Variants in BZW2 observed in about 807,000 individuals in gnomAD.
BZW2 encodes the protein basic leucine zipper and W2 domains 2.
A neutral mutation model predicts 53.2 loss-of-function variants in BZW2; 23 were observed. The observed-to-expected ratio is 0.43, with a 90% CI of 0.31 to 0.61. The LOEUF is 0.61. Ranked by LOEUF, BZW2 falls within the 20% of genes least tolerant of loss-of-function variation. The probability of loss-of-function intolerance (pLI) is 0.09; values close to 1 mark genes in which losing one functional copy is unlikely to be tolerated. For missense variants in BZW2, 409 were observed against 503.1 expected, an observed-to-expected ratio of 0.81 and a Z score of 1.79; for synonymous variants, 227 against 186.4, an observed-to-expected ratio of 1.22 and a Z score of -1.77.
At chr7:16,687,294 T>C (rs1783156334) in intron 6 of BZW2, 2 of 152,132 alleles carry the variant, frequency 1.3e-5, no homozygotes, top group South Asian at 4.1e-4. Context: ...GTAAAATGTT[T>C]GGGGGGTGGT....
chr7:16,693,184 A>T (rs968258726), intron 7 of BZW2, among the ~76,000 whole-genome samples: 7 of 152,216 alleles, frequency 4.6e-5, no homozygotes, highest in African/African-American at 1.7e-4. Flanking sequence ...CAAGAGCAAA[A>T]GCAGAGAGAC....
intron 3 of BZW2, among the ~76,000 whole-genome samples, chr7:16,679,383 C>T (rs1468490872): frequency 1.3e-5 from 2 of 152,234 alleles, no homozygotes; most frequent in Non-Finnish European, 2.9e-5. Context: ...TCCCTGACTT[C>T]CCGCAACAGT....
At chr7:16,677,676 A>C (rs1287243168) in intron 3 of BZW2, among the ~76,000 whole-genome samples, 2 of 152,186 alleles carry the variant, frequency 1.3e-5, no homozygotes, top group Non-Finnish European at 2.9e-5. Flanking sequence ...AGGAGGTTAA[A>C]GATACAGGGA....
intron 1 of BZW2, among the ~76,000 whole-genome samples, chr7:16,650,415 C>G (rs1294759562): frequency 6.6e-6 from 1 of 152,054 alleles, no homozygotes; most frequent in Non-Finnish European, 1.5e-5. Context: ...AAAAAGAGTA[C>G]CAAAACTGTT....
chr7:16,679,799 T>C (rs1041090534), intron 3 of BZW2, among the ~76,000 whole-genome samples: 2 of 152,256 alleles, frequency 1.3e-5, no homozygotes, highest in African/African-American at 4.8e-5. Flanking sequence ...ACATTTGTTG[T>C]GTATATGAAA....
chr7:16,682,475 G>T (rs1782979621), intron 4 of BZW2, among the ~76,000 whole-genome samples: 1 of 151,986 alleles, frequency 6.6e-6, no homozygotes, highest in Non-Finnish European at 1.5e-5. Context: ...TCATTTCCGT[G>T]ATTTTTAGTC....
intron 2 of BZW2, among the ~76,000 whole-genome samples, chr7:16,667,256 G>T (rs1387309412): frequency 2.0e-5 from 3 of 150,562 alleles, no homozygotes; most frequent in African/African-American, 4.9e-5. Context: ...ACTGCAGCCT[G>T]GGCAACGAGT....
rs920781095 is a variant in BZW2, at chr7:16,689,019, C to T, written c.542-778C>T. ...GGCAGGTGGATCACCTGAGGTCAAG[C>T]GTTCAGGACTAGCCTGCCCAACATG... is the stretch of plus-strand genomic sequence containing the variant. On this transcript the variant is annotated intron_variant, in intron 6 of 11. Coordinates refer to ENST00000258761, the MANE Select transcript of BZW2 (RefSeq NM_014038.3). 1.3e-5 allele frequency among the ~76,000 whole-genome samples: 2 copies of T among 152,186 alleles called. 1 individual carries two copies. Among genetic ancestry groups the T allele is most frequent in the South Asian group, 4.1e-4 (2 of 4,820 alleles).
At chr7:16,696,320 T>A (rs183081501) in intron 8 of BZW2, among the ~76,000 whole-genome samples, 18 of 152,356 alleles carry the variant, frequency 1.2e-4, no homozygotes, top group Admixed American at 2.0e-4. Flanking sequence ...AATTTGCATA[T>A]TTATACATAA....
At position 16,662,144 on chromosome 7, in the gene BZW2, T is replaced by C. The variant is rs1485561400; in HGVS notation, c.-7-3293T>C. ...TACTGGAGCAGATTATAGTGTAGCA[T>C]GAAGAGCTAAATTTAGAGGGAAGTG... is the stretch of plus-strand genomic sequence containing the variant. On this transcript the variant is annotated intron_variant, in intron 1 of 11. Transcript: ENST00000258761. 5 of 152,118 alleles carry C rather than the reference T, an allele frequency of 3.3e-5. 1 individual carries two copies. The highest frequency in any genetic ancestry group is 7.2e-5 in the African/African-American group (3 of 41,438). The allele number at this position is 152,118 out of a possible 1,614,324, so 9.4% of individuals were successfully genotyped here.
At chr7:16,648,400 A>G (rs899683693) in intron 1 of BZW2, among the ~76,000 whole-genome samples, 3 of 152,236 alleles carry the variant, frequency 2.0e-5, no homozygotes, top group African/African-American at 7.2e-5. Context: ...TAATTTGCCC[A>G]CAATCCCATA....
chr7:16,705,677 T>TC (rs1240130457), intron 11 of BZW2, among the ~76,000 whole-genome samples: 1 of 124,972 alleles, frequency 8.0e-6, no homozygotes, highest in Non-Finnish European at 1.6e-5. Flanking sequence ...AGAGTGAGAC[T>TC]CCATCTCAAA....
At chr7:16,646,470 G>T (rs746938570) in intron 1 of BZW2, among the ~76,000 whole-genome samples, 182 bp downstream of exon 1, 5 of 151,456 alleles carry the variant, frequency 3.3e-5, no homozygotes, top group Non-Finnish European at 7.4e-5. Context: ...CGCGTACGGG[G>T]TATCAGTGCC....
intron 6 of BZW2, 31 bp downstream of exon 6, chr7:16,686,071 G>T (rs1171292516): frequency 1.9e-6 from 3 of 1,607,744 alleles, no homozygotes; most frequent in Non-Finnish European, 2.5e-6. Context: ...TCGCCTGTCA[G>T]ACAACAAAAG....
intron 5 of BZW2, among the ~76,000 whole-genome samples, chr7:16,684,802 A>G (rs1444976080): frequency 6.6e-6 from 1 of 152,200 alleles, no homozygotes; most frequent in South Asian, 2.1e-4. Context: ...ATAAATTGAG[A>G]GGCAAATGGA....
intron 1 of BZW2, among the ~76,000 whole-genome samples, chr7:16,663,507 A>G (rs1782329101): frequency 6.6e-6 from 1 of 152,242 alleles, no homozygotes; most frequent in African/African-American, 2.4e-5. Context: ...TCAATAATAA[A>G]CAGATTTTTT....
intron 10 of BZW2, among the ~76,000 whole-genome samples, chr7:16,702,278 T>C (rs1352821230): frequency 6.6e-6 from 1 of 152,170 alleles, no homozygotes; most frequent in Non-Finnish European, 1.5e-5. Flanking sequence ...TCTTAAACTC[T>C]TCGATGTTCA....
At chr7:16,657,285 G>A (rs1368015460) in intron 1 of BZW2, among the ~76,000 whole-genome samples, 1 of 152,102 alleles carries the variant, frequency 6.6e-6, no homozygotes, top group Non-Finnish European at 1.5e-5. Context: ...GACCACCATT[G>A]GACGTAAATG....
At chr7:16,704,074 C>T (rs1203614897) in intron 10 of BZW2, among the ~76,000 whole-genome samples, 1 of 152,104 alleles carries the variant, frequency 6.6e-6, no homozygotes, top group Non-Finnish European at 1.5e-5. Flanking sequence ...TGCATACTAT[C>T]TACATTTTTT....
Sources: allele counts gnomAD v4.1 joint callset (sites outside exome capture counted in the v4.1 genomes callset), GRCh38; gene constraint gnomAD v4.1.1; transcripts MANE v1.5; gene names NCBI Gene and HGNC (gene_info 2026-07-23, HGNC 2026-07-21).